The following QTGAL variants were observed in gnomAD, a reference collection of about 807,000 sequenced individuals.
QTGAL encodes the protein queuosine-tRNA galactosyltransferase, also known as BGnT-like protein 1.
chr17:83,043,676 TAAAC>T, the QTGAL span, among the ~76,000 whole-genome samples: 18,785 of 151,638 alleles, frequency 0.12, 1,299 homozygotes, highest in African/African-American at 0.19. Context: ...AGAGTGAAAA[TAAAC>T]AAACAATGAC....
At chr17:83,016,043 C>G in the QTGAL span, among the ~76,000 whole-genome samples, 6 of 152,154 alleles carry the variant, frequency 3.9e-5, no homozygotes, top group African/African-American at 1.4e-4. Flanking sequence ...GGGACAGTCC[C>G]TTTAAGGTGC....
At chr17:83,027,761 T>C in the QTGAL span, among the ~76,000 whole-genome samples, 1 of 143,222 alleles carries the variant, frequency 7.0e-6, no homozygotes. Context: ...CCACAATCTA[T>C]ATACCTGACA....
chr17:83,031,663 C>T, the QTGAL span, among the ~76,000 whole-genome samples: 31 of 152,230 alleles, frequency 2.0e-4, no homozygotes, highest in African/African-American at 7.0e-4. Flanking sequence ...GCAGGTGTCA[C>T]GTGACGAGAA....
chr17:82,966,310 C>T, the QTGAL span, among the ~76,000 whole-genome samples: 1 of 152,124 alleles, frequency 6.6e-6, no homozygotes, highest in African/African-American at 2.4e-5. Flanking sequence ...CCAGCTCAGC[C>T]TCCCAAAGTG....
the QTGAL span, among the ~76,000 whole-genome samples, chr17:83,024,720 G>C: frequency 1.4e-4 from 21 of 152,374 alleles, no homozygotes; most frequent in African/African-American, 4.8e-4. Context: ...CCTGGGTAAG[G>C]GGCCTGAGGG....
At chr17:82,962,805 TTTC>T in the QTGAL span, among the ~76,000 whole-genome samples, 2 of 152,214 alleles carry the variant, frequency 1.3e-5, no homozygotes, top group East Asian at 3.9e-4. Flanking sequence ...CCCTTGGGGT[TTTC>T]TTATTTTCTG....
chr17:83,034,044 G>A, the QTGAL span, among the ~76,000 whole-genome samples: 181 of 151,318 alleles, frequency 1.2e-3, no homozygotes, highest in Admixed American at 3.2e-3. Context: ...GGGTTCAAGC[G>A]ATTCTCCTGC....
chr17:82,949,605 G>A, the QTGAL span: 1 of 152,216 alleles, frequency 6.6e-6, no homozygotes. Context: ...CCGGTCGGCA[G>A]AGTGCAGGAT....
At chr17:82,970,053 A>T in the QTGAL span, among the ~76,000 whole-genome samples, 1 of 152,178 alleles carries the variant, frequency 6.6e-6, no homozygotes. Flanking sequence ...GAAATAACGC[A>T]GTTCTATGGG....
the QTGAL span, among the ~76,000 whole-genome samples, chr17:83,013,368 C>G: frequency 2.1e-5 from 3 of 139,568 alleles, no homozygotes; most frequent in Admixed American, 1.4e-4. Context: ...CCCCAGCGCA[C>G]CAGCCCTGCC....
chr17:83,001,802 G>A, the QTGAL span, among the ~76,000 whole-genome samples: 2 of 152,070 alleles, frequency 1.3e-5, no homozygotes, highest in Non-Finnish European at 2.9e-5. Flanking sequence ...TTGAGACAGG[G>A]TCTGTTGCCC....
chr17:83,048,622 G>C, the QTGAL span: 1 of 1,604,882 alleles, frequency 6.2e-7, no homozygotes, highest in Non-Finnish European at 8.5e-7. Flanking sequence ...ACAGTCAACC[G>C]TTGCTTACAC....
chr17:83,025,188 G>A, the QTGAL span, among the ~76,000 whole-genome samples: 7 of 119,066 alleles, frequency 5.9e-5, no homozygotes, highest in South Asian at 2.9e-4. Flanking sequence ...CGGACACCGC[G>A]GAGAGTCCAC....
At chr17:83,008,100 C>A in the QTGAL span, among the ~76,000 whole-genome samples, 1 of 152,186 alleles carries the variant, frequency 6.6e-6, no homozygotes, top group African/African-American at 2.4e-5. Context: ...GGAAGAGGTG[C>A]GCTATGCGCT....
the QTGAL span, among the ~76,000 whole-genome samples, chr17:83,044,128 A>T: frequency 1.3e-5 from 2 of 152,252 alleles, no homozygotes; most frequent in Non-Finnish European, 2.9e-5. Context: ...AGAAACACTT[A>T]TTCTATGAGG....
chr17:82,999,181 C>G, the QTGAL span, among the ~76,000 whole-genome samples: 1 of 152,160 alleles, frequency 6.6e-6, no homozygotes, highest in Non-Finnish European at 1.5e-5. Context: ...CATGCACACA[C>G]AAAGGCTTGT....
At chr17:82,986,317 C>T in the QTGAL span, among the ~76,000 whole-genome samples, 15 of 152,240 alleles carry the variant, frequency 9.9e-5, no homozygotes, top group Non-Finnish European at 2.2e-4. Flanking sequence ...GGCACCTCCA[C>T]GCCCCTCCGC....
chr17:83,023,970 T>C, the QTGAL span, among the ~76,000 whole-genome samples: 1 of 152,264 alleles, frequency 6.6e-6, no homozygotes, highest in Non-Finnish European at 1.5e-5. Flanking sequence ...CTGTGGATTC[T>C]GCGCTGGTTC....
chr17:83,010,048 G>A, the QTGAL span, among the ~76,000 whole-genome samples: 1 of 124,356 alleles, frequency 8.0e-6, no homozygotes, highest in South Asian at 3.2e-4. Context: ...CCCGGCGGGG[G>A]GCTGGGGGGG....
Sources: gnomAD v4.1 joint callset for allele counts (sites outside exome capture counted in the v4.1 genomes callset) on GRCh38, gnomAD v4.1.1 for gene constraint, MANE v1.5 for transcripts, NCBI Gene and HGNC (gene_info 2026-07-23, HGNC 2026-07-21) for gene names.